Variants in APOBEC1 observed in about 807,000 individuals in gnomAD.
APOBEC1 encodes apolipoprotein B mRNA editing enzyme catalytic subunit 1.
A neutral mutation model predicts 26.3 loss-of-function variants in APOBEC1; 22 were observed. That is an observed-to-expected ratio of 0.84 (90% CI 0.60 to 1.19). The LOEUF is 1.19. APOBEC1 is among the 50% of genes most tolerant of loss of function. The probability of loss-of-function intolerance (pLI) is 0.00; values close to 1 mark genes in which losing one functional copy is unlikely to be tolerated. For missense variants in APOBEC1, 253 were observed against 289.0 expected, an observed-to-expected ratio of 0.88 and a Z score of 0.90; for synonymous variants, 77 against 95.3, an observed-to-expected ratio of 0.81 and a Z score of 1.12.
chr12:7,652,564 G>T lies in APOBEC1; in HGVS notation c.316C>A (p.Arg106=), dbSNP rs968565720. The T allele has an allele frequency of 6.2e-7, 1 of 1,614,164 alleles. No homozygotes were observed. Among genetic ancestry groups the T allele is most frequent in the Admixed American group, 1.7e-5 (1 of 60,002 alleles). Reference sequence around the variant, plus strand: ...ATCACTAGAGTCACACCAGGGTGCCGACTCAGAAACTCTCTAATAGCCTGG... The same window carrying T: ...ATCACTAGAGTCACACCAGGGTGCCTACTCAGAAACTCTCTAATAGCCTGG... ...CSQAIREFLS[R]HPGVTLVIYV... The change falls in exon 3 of 5, where the codon CGG becomes AGG. Residue 106 remains arginine, a synonymous_variant. Coordinates refer to ENST00000229304, the MANE Select transcript of APOBEC1 (RefSeq NM_001644.5).
chr12:7,655,091 C>G (rs61937003), intron 1 of APOBEC1, among the ~76,000 whole-genome samples: 22,009 of 152,066 alleles, frequency 0.14, 1,838 homozygotes, highest in South Asian at 0.29. Context: ...CACCTATAAT[C>G]CCAGCTACTC....
chr12:7,652,308 T>G (rs1047303781), intron 3 of APOBEC1, 130 bp downstream of exon 3: 5 of 809,472 alleles, frequency 6.2e-6, no homozygotes, highest in Non-Finnish European at 9.3e-6. Flanking sequence ...GACCTAGTCC[T>G]TTATGACATT....
chr12:7,665,878 T>C lies in APOBEC1; in HGVS notation c.-6A>G, dbSNP rs759388672. 12 of 1,613,696 alleles carry C rather than the reference T, an allele frequency of 7.4e-6. No individual in the cohort carries two copies. The African/African-American group carries it at 1.3e-4, about 18-fold the overall frequency. ...TTACCTTTCTCAGAAGTCATGGTGC[T>C]CTGTCTCTGGACTTCCTCCTCTGGA... is the stretch of plus-strand genomic sequence containing the variant. On this transcript the variant is annotated 5_prime_UTR_variant, in exon 1 of 5. Coordinates refer to ENST00000229304, the MANE Select transcript of APOBEC1 (RefSeq NM_001644.5).
Position 7,649,525 on chromosome 12 carries a change from T to C in APOBEC1, c.*22A>G. 1 of 1,612,332 alleles carries C rather than the reference T, an allele frequency of 6.2e-7. No homozygotes were observed. The highest frequency in any genetic ancestry group is 1.3e-5 in the African/African-American group (1 of 74,976). On this transcript the variant is annotated 3_prime_UTR_variant, in exon 5 of 5. Transcript: ENST00000229304. Reference sequence around the variant, plus strand: ...TCATCATTGCTTGTTCTTGAATCAGTACACACACGGAATCATCCTATTCAT... The same window carrying C: ...TCATCATTGCTTGTTCTTGAATCAGCACACACACGGAATCATCCTATTCAT...
intron 1 of APOBEC1, among the ~76,000 whole-genome samples, chr12:7,665,267 C>T (rs1373685768): frequency 6.6e-6 from 1 of 152,118 alleles, no homozygotes; most frequent in African/African-American, 2.4e-5. Context: ...TTACCTTAAA[C>T]TGTTATTTAA....
intron 1 of APOBEC1, among the ~76,000 whole-genome samples, chr12:7,659,322 A>AATAT (rs1328982852): frequency 0.017 from 775 of 46,114 alleles, 15 homozygotes; most frequent in East Asian, 0.035. Context: ...AAAAAAAAAA[A>AATAT]ATATATATAT....
Position 7,652,829 on chromosome 12 carries a change from T to C in APOBEC1, c.51A>G (p.Arg17=). ...PSTGDPTLRR[R]IEPWEFDVFY... is the part of the protein sequence containing the mutation. ...AGACGTCAAACTCCCAGGGTTCGAT[T>C]CTTCTCCTGAAATACAAAAAGCAGC... Residue 17 remains arginine (R), a synonymous_variant, in exon 3 of 5, where the codon AGA becomes AGG. Transcript: ENST00000229304. 1 of 1,576,666 alleles carries C rather than the reference T, an allele frequency of 6.3e-7. No homozygotes were observed. Among genetic ancestry groups the C allele is most frequent in the Non-Finnish European group, 8.6e-7 (1 of 1,163,002 alleles).
At chr12:7,663,222 T>G (rs1565443389) in intron 1 of APOBEC1, among the ~76,000 whole-genome samples, 1 of 152,170 alleles carries the variant, frequency 6.6e-6, no homozygotes. Flanking sequence ...AGGCTGTGTG[T>G]GTACCTGTTT....
intron 1 of APOBEC1, among the ~76,000 whole-genome samples, chr12:7,657,185 A>C (rs1863728981): frequency 6.6e-6 from 1 of 152,052 alleles, no homozygotes; most frequent in African/African-American, 2.4e-5. Flanking sequence ...AACCAACTGC[A>C]TTTCGTACTA....
At chr12:7,663,332 G>A (rs1444211412) in intron 1 of APOBEC1, among the ~76,000 whole-genome samples, 1 of 152,122 alleles carries the variant, frequency 6.6e-6, no homozygotes, top group Non-Finnish European at 1.5e-5. Context: ...TTCTAGCTGG[G>A]GAGAAGAACT....
chr12:7,651,878 T>A lies in APOBEC1; in HGVS notation c.442+560A>T, dbSNP rs373048997. 7.2e-5 allele frequency among the ~76,000 whole-genome samples: 11 copies of A among 152,018 alleles called. No homozygotes were observed. In the East Asian group the frequency reaches 2.0e-3, roughly 27 times the overall value. On this transcript the variant is annotated intron_variant, in intron 3 of 4. Coordinates refer to ENST00000229304, the MANE Select transcript of APOBEC1 (RefSeq NM_001644.5). ...CTCTGTCGCCCAGGCTGGAGTGCAG[T>A]GGCGCGATCTCGGCTCACTGCAAGC...
At chr12:7,649,719 T>C (rs761557886) in intron 4 of APOBEC1, 23 bp from the exon 5 acceptor site, 17 of 1,501,980 alleles carry the variant, frequency 1.1e-5, no homozygotes, top group Middle Eastern at 1.7e-4. Context: ...AGGATTATAT[T>C]TAATCCTTAG....
chr12:7,663,477 G>T (rs529890809), intron 1 of APOBEC1, among the ~76,000 whole-genome samples: 5 of 152,086 alleles, frequency 3.3e-5, no homozygotes, highest in Admixed American at 1.3e-4. Context: ...AAGGAGGAAG[G>T]GGGTGGCTGG....
intron 2 of APOBEC1, among the ~76,000 whole-genome samples, 187 bp from the exon 3 acceptor site, chr12:7,653,022 C>T (rs1234967629): frequency 6.6e-6 from 1 of 152,038 alleles, no homozygotes; most frequent in African/African-American, 2.4e-5. Flanking sequence ...CTCCACCTCC[C>T]AGGTTCAAGC....
At chr12:7,668,788 G>A (rs1863922027), upstream of APOBEC1, among the ~76,000 whole-genome samples, 1 of 152,000 alleles carries the variant, frequency 6.6e-6, no homozygotes, top group Non-Finnish European at 1.5e-5. Context: ...GAGTGCAGTG[G>A]CTTGACCTTG....
At chr12:7,667,493 A>G (rs769591155), upstream of APOBEC1, among the ~76,000 whole-genome samples, 18 of 152,310 alleles carry the variant, frequency 1.2e-4, no homozygotes, top group African/African-American at 4.3e-4. Flanking sequence ...CCTCCATGAG[A>G]TAAAGCAGGT....
intron 1 of APOBEC1, among the ~76,000 whole-genome samples, chr12:7,664,820 T>A (rs1863870241): frequency 6.6e-6 from 1 of 150,854 alleles, no homozygotes; most frequent in Non-Finnish European, 1.5e-5. Context: ...GGCGGGAGGA[T>A]CTCTTGAGCC....
In APOBEC1 at chr12:7,657,919, C is replaced by CA. The variant is rs562299007; in HGVS notation, c.17-3288dup. On this transcript the variant is annotated intron_variant, in intron 1 of 4. Transcript: ENST00000229304. ...TTAAACTAAAATTATAAATAAATAA[C>CA]AAAAAAAATACCCAAAACTATTTCC... Among the ~76,000 whole-genome samples, 247 of 151,754 alleles carry CA rather than the reference C, an allele frequency of 1.6e-3. 1 individual carries two copies. The highest frequency in any genetic ancestry group is 2.4e-3 in the Non-Finnish European group (163 of 67,880).
chr12:7,663,790 G>T (rs149182936), intron 1 of APOBEC1, among the ~76,000 whole-genome samples: 1 of 152,108 alleles, frequency 6.6e-6, no homozygotes, highest in African/African-American at 2.4e-5. Flanking sequence ...AAAGTCCAGG[G>T]AAGGTATTAG....
Sources: allele counts gnomAD v4.1 joint callset (sites outside exome capture counted in the v4.1 genomes callset), GRCh38; gene constraint gnomAD v4.1.1; transcripts MANE v1.5; gene names NCBI Gene and HGNC (gene_info 2026-07-23, HGNC 2026-07-21).